Variants in EEPD1 observed in about 807,000 individuals in gnomAD.
EEPD1 encodes the protein endonuclease/exonuclease/phosphatase family domain containing 1.
EEPD1 carries 17 observed loss-of-function variants against 46.3 expected under a neutral mutation model. The observed-to-expected ratio is 0.37, with a 90% CI of 0.25 to 0.55. The LOEUF is 0.55. Among genes scored for constraint, EEPD1 ranks in the 20% least tolerant of loss-of-function variants. The pLI, the probability that EEPD1 is intolerant of heterozygous loss-of-function variation, is 0.83. For synonymous variants in EEPD1, 313 were observed against 315.6 expected, an observed-to-expected ratio of 0.99 and a Z score of 0.09; for missense variants, 673 against 745.6, an observed-to-expected ratio of 0.90 and a Z score of 1.13.
At position 36,295,113 on chromosome 7, in the gene EEPD1, G is replaced by A. The variant is rs867596175; in HGVS notation, c.1316-1880G>A. On this transcript the variant is annotated intron_variant, in intron 6 of 7. Transcript: ENST00000242108. ...GGATTGCTTGAACCCGAGAGGCAGA[G>A]GTTGCAGTGAGCCGAGATCCACCAC... is the stretch of plus-strand genomic sequence containing the variant. Among the ~76,000 whole-genome samples the A allele has an allele frequency of 1.3e-4, 19 of 151,912 alleles. 1 individual carries two copies. The South Asian group carries it at 3.8e-3, about 30-fold the overall frequency.
At chr7:36,228,245 C>G (rs1043934672) in intron 2 of EEPD1, among the ~76,000 whole-genome samples, 2 of 152,016 alleles carry the variant, frequency 1.3e-5, no homozygotes, top group Non-Finnish European at 2.9e-5. Flanking sequence ...AAAACAAATA[C>G]AGACTGGGCA....
chr7:36,210,135 G>C (rs1177033938), intron 2 of EEPD1, among the ~76,000 whole-genome samples: 1 of 152,144 alleles, frequency 6.6e-6, no homozygotes, highest in Non-Finnish European at 1.5e-5. Context: ...GGGAAGGCAG[G>C]ACCCCAGTTT....
At chr7:36,271,326 A>G (rs1037692758) in intron 3 of EEPD1, among the ~76,000 whole-genome samples, 1 of 152,016 alleles carries the variant, frequency 6.6e-6, no homozygotes, top group East Asian at 1.9e-4. Flanking sequence ...ATGGTATCTC[A>G]TTGTGGTTTT....
intron 5 of EEPD1, among the ~76,000 whole-genome samples, chr7:36,287,236 CAAAAAAA>C (rs377318198): frequency 4.7e-5 from 2 of 42,204 alleles, no homozygotes; most frequent in Admixed American, 4.0e-4. Flanking sequence ...GACTCCTTCT[CAAAAAAA>C]AAAAAAAAAA....
chr7:36,299,337 G>C lies in EEPD1; in HGVS notation c.*131G>C. 1 of 1,117,900 alleles carries C rather than the reference G, an allele frequency of 8.9e-7. No individual in the cohort carries two copies. Among genetic ancestry groups the C allele is most frequent in the Non-Finnish European group, 1.3e-6 (1 of 796,136 alleles). The allele number at this position is 1,117,900 out of a possible 1,614,324, so 69.2% of individuals were successfully genotyped here. ...TCAGAGCATCAGCACTTGAGGCCTT[G>C]CCCCACGCCTTCTCTGTGGACCATT... On this transcript the variant is annotated 3_prime_UTR_variant, in exon 8 of 8. Transcript: ENST00000242108.
chr7:36,237,226 A>G (rs1786469920), intron 2 of EEPD1, among the ~76,000 whole-genome samples: 1 of 152,246 alleles, frequency 6.6e-6, no homozygotes, highest in African/African-American at 2.4e-5. Flanking sequence ...ATCCGAAGGA[A>G]CAAACTCCGG....
chr7:36,222,662 C>A (rs995459110), intron 2 of EEPD1, among the ~76,000 whole-genome samples: 1 of 152,112 alleles, frequency 6.6e-6, no homozygotes, highest in Non-Finnish European at 1.5e-5. Context: ...TGGAGGCTGG[C>A]GAGTCTAAGA....
intron 3 of EEPD1, among the ~76,000 whole-genome samples, chr7:36,274,763 C>T (rs562596277): frequency 6.6e-6 from 1 of 152,176 alleles, no homozygotes; most frequent in Non-Finnish European, 1.5e-5. Context: ...TGTGCTCACC[C>T]ACAGATATCC....
chr7:36,242,063 C>T (rs947280985), intron 3 of EEPD1, among the ~76,000 whole-genome samples: 2 of 152,172 alleles, frequency 1.3e-5, no homozygotes, highest in Admixed American at 1.3e-4. Context: ...GCTGAGGCTG[C>T]GGCGGAGCAG....
intron 3 of EEPD1, among the ~76,000 whole-genome samples, chr7:36,264,507 A>C (rs1325248759): frequency 6.6e-6 from 1 of 152,210 alleles, no homozygotes; most frequent in African/African-American, 2.4e-5. Context: ...CATTCTAGGA[A>C]ATGTAAGCTG....
intron 2 of EEPD1, among the ~76,000 whole-genome samples, chr7:36,162,890 G>T (rs1319083553): frequency 6.6e-6 from 1 of 152,182 alleles, no homozygotes; most frequent in East Asian, 1.9e-4. Flanking sequence ...CACATTTAAG[G>T]TTGCACATGC....
chr7:36,183,566 TG>T (rs1424619338), intron 2 of EEPD1, among the ~76,000 whole-genome samples: 11 of 152,326 alleles, frequency 7.2e-5, no homozygotes, highest in South Asian at 2.1e-4. Context: ...ATTATGTTTT[TG>T]TTTGTTTTCC....
At chr7:36,268,412 G>A (rs1167683431) in intron 3 of EEPD1, among the ~76,000 whole-genome samples, 2 of 152,064 alleles carry the variant, frequency 1.3e-5, no homozygotes, top group Non-Finnish European at 2.9e-5. Flanking sequence ...ACCCACTTCG[G>A]CCTCCCAAAG....
intron 2 of EEPD1, among the ~76,000 whole-genome samples, chr7:36,232,190 G>GGTTTT (rs1332970012): frequency 1.4e-5 from 2 of 138,572 alleles, no homozygotes; most frequent in South Asian, 2.3e-4. Context: ...TTTTTTTTTT[G>GGTTTT]GTTTTGTTTT....
intron 3 of EEPD1, among the ~76,000 whole-genome samples, chr7:36,243,194 C>G (rs1177766152): frequency 2.6e-5 from 4 of 152,014 alleles, no homozygotes; most frequent in Admixed American, 1.3e-4. Flanking sequence ...ATTATGTGCT[C>G]GAAAGTTCAA....
chr7:36,190,135 G>A (rs2115676269), intron 2 of EEPD1, among the ~76,000 whole-genome samples: 1 of 152,362 alleles, frequency 6.6e-6, no homozygotes, highest in African/African-American at 2.4e-5. Context: ...ACTTTGGGAA[G>A]CCAAGATGAG....
intron 2 of EEPD1, among the ~76,000 whole-genome samples, chr7:36,178,658 C>G (rs963889993): frequency 6.6e-6 from 1 of 152,174 alleles, no homozygotes; most frequent in Admixed American, 6.5e-5. Context: ...ACTTTGTGCC[C>G]CCTCAGGAGC....
At position 36,300,275 on chromosome 7, in the gene EEPD1, G is replaced by C. The variant is rs944692403; in HGVS notation, c.*1069G>C. ...TTGTGGGGAGGAAGCGAGGATGCGT[G>C]CCTGCCACTAGGCATCTGCATCCCC... is the stretch of plus-strand genomic sequence containing the variant. On this transcript the variant is annotated 3_prime_UTR_variant, in exon 8 of 8. Transcript: ENST00000242108. The C allele has an allele frequency of 1.3e-5, 2 of 152,264 alleles. No individual in the cohort carries two copies. Among genetic ancestry groups the C allele is most frequent in the African/African-American group, 4.8e-5 (2 of 41,450 alleles). 9.4% of individuals were successfully genotyped at this position (152,264 alleles called of 1,614,324 possible).
chr7:36,165,672 C>T (rs1279556419), intron 2 of EEPD1, among the ~76,000 whole-genome samples: 2 of 151,516 alleles, frequency 1.3e-5, no homozygotes, highest in Non-Finnish European at 2.9e-5. Context: ...CTCTTGACCT[C>T]GTGATCTGCC....
Sources: gnomAD v4.1 joint callset for allele counts (sites outside exome capture counted in the v4.1 genomes callset) on GRCh38, gnomAD v4.1.1 for gene constraint, MANE v1.5 for transcripts, NCBI Gene and HGNC (gene_info 2026-07-23, HGNC 2026-07-21) for gene names.